Variants in CABIN1 observed in about 807,000 individuals in gnomAD.
The protein encoded by CABIN1 is calcineurin binding protein 1, also known as calcineurin-binding protein cabin-1.
In CABIN1, 133 loss-of-function variants were observed where a neutral mutation model predicts 227.7. That is an observed-to-expected ratio of 0.58 (90% CI 0.51 to 0.67). CABIN1 has a LOEUF of 0.67. CABIN1 is among the 30% of genes least tolerant of loss of function. The pLI is 0.00. For missense variants in CABIN1, 2,408 were observed against 2,852.5 expected (o/e 0.84, Z 3.55); for synonymous variants, 1,086 against 1,155.1 (o/e 0.94, Z 1.21).
chr22:24,045,544 G>T (rs952178656), intron 6 of CABIN1, among the ~76,000 whole-genome samples: 4 of 151,214 alleles, frequency 2.6e-5, no homozygotes, highest in Non-Finnish European at 5.9e-5. Context: ...GGAGCTAGAG[G>T]TTACAATGAG....
chr22:24,052,968 C>CT (rs959566046), intron 8 of CABIN1, among the ~76,000 whole-genome samples: 1 of 151,996 alleles, frequency 6.6e-6, no homozygotes, highest in African/African-American at 2.4e-5. Context: ...AAATGTAACA[C>CT]TAACTGAAGG....
chr22:24,055,724 A>T (rs2038742776), intron 9 of CABIN1, among the ~76,000 whole-genome samples: 1 of 152,262 alleles, frequency 6.6e-6, no homozygotes, highest in Admixed American at 6.5e-5. Context: ...CTGAATAAAC[A>T]TGTACATGGT....
chr22:24,028,264 A>G (rs1397549260), intron 1 of CABIN1, among the ~76,000 whole-genome samples: 2 of 152,266 alleles, frequency 1.3e-5, no homozygotes, highest in African/African-American at 4.8e-5. Context: ...CAGACTTTCA[A>G]TTAATCAAAA....
chr22:24,092,293 C>G (rs1208039430), intron 24 of CABIN1, among the ~76,000 whole-genome samples: 1 of 152,180 alleles, frequency 6.6e-6, no homozygotes, highest in East Asian at 1.9e-4. Flanking sequence ...GGTGAGCAGC[C>G]TGCTCTCTTG....
chr22:24,098,015 G>GA lies in CABIN1; in HGVS notation c.3941dup (p.Lys1315GlufsTer42). 1.2e-6 allele frequency: 2 copies of GA among 1,614,174 alleles called. No individual in the cohort carries two copies. The highest frequency in any genetic ancestry group is 1.1e-5 in the South Asian group (1 of 91,086). ...TGCCCCAAACCTCTGTTCCCACAGG[G>GA]AGAAGGCCTGCCTGGTGGACGAGGA... On this transcript the variant is annotated frameshift_variant and splice_region_variant, in exon 26 of 37. Coordinates refer to ENST00000263119, the MANE Select transcript of CABIN1 (RefSeq NM_012295.4). LOFTEE classifies it high-confidence loss of function.
chr22:24,134,250 G>A (rs1474083112), intron 28 of CABIN1, 52 bp from the exon 29 acceptor site: 1 of 1,412,454 alleles, frequency 7.1e-7, no homozygotes, highest in East Asian at 2.4e-5. Context: ...TTCCCTGTGG[G>A]CGCCCTGAGC....
chr22:24,134,236 T>C, intron 28 of CABIN1, 66 bp from the exon 29 acceptor site: 1 of 1,194,796 alleles, frequency 8.4e-7, no homozygotes, highest in Non-Finnish European at 1.2e-6. Context: ...GGGGACCGCC[T>C]GCCTTCCCTG....
chr22:24,128,117 C>T (rs896153707), intron 28 of CABIN1, among the ~76,000 whole-genome samples: 1 of 152,180 alleles, frequency 6.6e-6, no homozygotes, highest in Non-Finnish European at 1.5e-5. Context: ...GAGTCTCCCT[C>T]CCCAGGCAAC....
chr22:24,156,165 G>A (rs2045788927), intron 29 of CABIN1: 3 of 392,984 alleles, frequency 7.6e-6, no homozygotes, highest in Admixed American at 4.5e-5. Context: ...TCCGCTGCCC[G>A]TCTGGGTCTC....
rs1476570270 is a variant in CABIN1, at chr22:24,084,890, ACT to A, written c.3117+106_3117+107del. 2.8e-5 allele frequency: 43 copies of A among 1,563,584 alleles called. No individual in the cohort carries two copies. The East Asian group carries it at 9.0e-4, about 33-fold the overall frequency. On this transcript the variant is annotated intron_variant, in intron 21 of 36. Coordinates refer to ENST00000263119, the MANE Select transcript of CABIN1 (RefSeq NM_012295.4). ...TGCTTCTTTTTCTGCTCTGTACCAG[ACT>A]GAGGGGCAGGAGAGGCTGGAGAGTC...
chr22:24,168,370 C>A, intron 32 of CABIN1, 77 bp from the exon 33 acceptor site: 1 of 1,394,706 alleles, frequency 7.2e-7, no homozygotes, highest in Non-Finnish European at 9.9e-7. Context: ...CTGGTCTGTG[C>A]TACATACACA....
chr22:24,102,854 G>T (rs1459357502), intron 26 of CABIN1, among the ~76,000 whole-genome samples: 1 of 152,052 alleles, frequency 6.6e-6, no homozygotes, highest in African/African-American at 2.4e-5. Flanking sequence ...TAGGGTGTGG[G>T]CCTCACTGGA....
intron 29 of CABIN1, among the ~76,000 whole-genome samples, chr22:24,160,706 G>A (rs1215619054): frequency 6.6e-6 from 1 of 152,202 alleles, no homozygotes; most frequent in Non-Finnish European, 1.5e-5. Context: ...CATGGGCCTG[G>A]GCATGGCCTT....
intron 8 of CABIN1, 130 bp downstream of exon 8, chr22:24,051,104 A>C (rs572698419): frequency 8.5e-7 from 1 of 1,170,810 alleles, no homozygotes; most frequent in South Asian, 1.3e-5. Context: ...GGCTGGGTGC[A>C]CAGTGGCCAA....
At position 24,111,945 on chromosome 22, in the gene CABIN1, C is replaced by CT. The variant is rs545317904; in HGVS notation, c.4118-1613dup. ...TTCTAGCCTTTGCATTTGACTCTTG[C>CT]TTTTTTTTATCTCACTGCTGAAATT... On this transcript the variant is annotated intron_variant, in intron 26 of 36. Coordinates refer to ENST00000263119, the MANE Select transcript of CABIN1 (RefSeq NM_012295.4). Among the ~76,000 whole-genome samples, 93 of 152,128 alleles carry CT rather than the reference C, an allele frequency of 6.1e-4. 1 individual carries two copies. In the South Asian group the frequency reaches 0.018, roughly 30 times the overall value.
At chr22:24,081,900 G>T (rs1369339917) in intron 19 of CABIN1, among the ~76,000 whole-genome samples, 3 of 152,026 alleles carry the variant, frequency 2.0e-5, no homozygotes, top group Non-Finnish European at 4.4e-5. Context: ...GGTGGCAGGT[G>T]CCTGTAGTCC....
At chr22:24,110,239 T>C (rs948971630) in intron 26 of CABIN1, among the ~76,000 whole-genome samples, 3 of 152,248 alleles carry the variant, frequency 2.0e-5, no homozygotes, top group Admixed American at 6.5e-5. Context: ...TTTAAAAAAA[T>C]GTAGTTGTTG....
chr22:24,066,248 A>T (rs1428975347), intron 15 of CABIN1, among the ~76,000 whole-genome samples: 1 of 152,146 alleles, frequency 6.6e-6, no homozygotes, highest in Non-Finnish European at 1.5e-5. Flanking sequence ...CCTTGGTGGA[A>T]AGCAGGTGTG....
In CABIN1 at chr22:24,067,026, C is replaced by G; in HGVS notation, c.2077C>G (p.Leu693Val). The G allele has an allele frequency of 6.2e-7, 1 of 1,614,242 alleles. No individual in the cohort carries two copies. Residue 693 changes from leucine to valine, a missense_variant, in exon 16 of 37, where the codon CTG (leucine) becomes GTG (valine). Around this residue, in one of 3 missense-constraint regions of CABIN1, gnomAD observed 1,045 missense variants for 1,168.4 expected, o/e 0.89. Transcript: ENST00000263119. ...GAAGTCGCTGGAGCGGTGCCAGTCC[C>G]TGGAGGAGATTCAGCGGCTGTATGA... The part of the protein sequence containing the change: ...NLKSLERCQS[L>V]EEIQRLYEAG...
Sources: allele counts gnomAD v4.1 joint callset (sites outside exome capture counted in the v4.1 genomes callset), GRCh38; gene constraint gnomAD v4.1.1; regional missense constraint gnomAD v4.1.1; transcripts MANE v1.5; gene names NCBI Gene and HGNC (gene_info 2026-07-23, HGNC 2026-07-21).